THEMIS: variants seen among roughly 807,000 people sequenced by gnomAD.
The protein encoded by THEMIS is thymocyte selection associated.
A neutral mutation model predicts 52.6 loss-of-function variants in THEMIS; 37 were observed. The observed-to-expected ratio is 0.70, with a 90% CI of 0.54 to 0.93. THEMIS has a LOEUF of 0.93. Ranked by LOEUF, THEMIS falls within the 40% of genes least tolerant of loss-of-function variation. THEMIS has a pLI of 0.00. For synonymous variants in THEMIS, 292 were observed against 272.7 expected, an observed-to-expected ratio of 1.07 and a Z score of -0.70; for missense variants, 808 against 763.1, an observed-to-expected ratio of 1.06 and a Z score of -0.69.
intron 1 of THEMIS, among the ~76,000 whole-genome samples, chr6:127,865,928 A>G (rs764192448): frequency 2.0e-5 from 3 of 152,072 alleles, no homozygotes; most frequent in Non-Finnish European, 2.9e-5. Context: ...AAGTGAAAAA[A>G]TTGTATCAGT....
chr6:127,701,829 G>A, the THEMIS span, among the ~76,000 whole-genome samples: 3 of 151,996 alleles, frequency 2.0e-5, no homozygotes, highest in African/African-American at 4.8e-5. Flanking sequence ...TTATCCTTTC[G>A]AATATCCTCT....
intron 4 of THEMIS, among the ~76,000 whole-genome samples, chr6:127,791,592 T>A (rs1388843380): frequency 1.3e-5 from 2 of 152,156 alleles, no homozygotes; most frequent in African/African-American, 4.8e-5. Context: ...GGCCTGAAGA[T>A]GGGGCTTTAC....
At chr6:127,750,126 A>G (rs1775586199) in intron 4 of THEMIS, among the ~76,000 whole-genome samples, 1 of 150,918 alleles carries the variant, frequency 6.6e-6, no homozygotes, top group South Asian at 2.1e-4. Context: ...GCAGGTCTCA[A>G]TCAACTAACT....
At position 127,837,911 on chromosome 6, in the gene THEMIS, A is replaced by G. The variant is rs191409643; in HGVS notation, c.251-7977T>C. On this transcript the variant is annotated intron_variant, in intron 2 of 5. Transcript: ENST00000368248. The stretch of plus-strand genomic sequence containing the variant: ...ATAGATGAATAATATGTTGTAAGGA[A>G]TGTATCATGATTTACCCGATTCCTC... Among the ~76,000 whole-genome samples the G allele has an allele frequency of 2.6e-5, 4 of 152,216 alleles. No homozygotes were observed. In the East Asian group the frequency reaches 7.7e-4, roughly 29 times the overall value.
In THEMIS at chr6:127,907,337, A is replaced by ATTTTTTTTTTTTTTTTTTTTTTTTTT. The variant is rs58472332; in HGVS notation, c.-149-6282_-149-6257dup. On this transcript the variant is annotated intron_variant, in intron 1 of 6. Coordinates refer to the THEMIS transcript ENST00000368250. The stretch of plus-strand genomic sequence containing the variant: ...AATACCATTAGGGCATTAGGCTCGG[A>ATTTTTTTTTTTTTTTTTTTTTTTTTT]TTTTTTTTTTTTTTTTTTTTTTTTT... 5.5e-4 allele frequency among the ~76,000 whole-genome samples: 27 copies of ATTTTTTTTTTTTTTTTTTTTTTTTTT among 49,458 alleles called. 8 individuals are homozygous for ATTTTTTTTTTTTTTTTTTTTTTTTTT. The highest frequency in any genetic ancestry group is 8.6e-4 in the Non-Finnish European group (23 of 26,670). The allele number at this position is 49,458 out of a possible 152,430, so 32.4% of individuals were successfully genotyped here.
At chr6:127,828,730 G>A (rs966315443) in intron 3 of THEMIS, among the ~76,000 whole-genome samples, 8 of 152,148 alleles carry the variant, frequency 5.3e-5, no homozygotes, top group East Asian at 1.9e-4. Context: ...GACGTGGGCC[G>A]ATCACGAGGT....
At chr6:127,718,996 C>T (rs1022212726) in intron 5 of THEMIS, among the ~76,000 whole-genome samples, 2 of 151,666 alleles carry the variant, frequency 1.3e-5, no homozygotes, top group Non-Finnish European at 1.5e-5. Flanking sequence ...AGGAGCAAAC[C>T]GTATGCTTAA....
intron 2 of THEMIS, among the ~76,000 whole-genome samples, chr6:127,846,728 A>T (rs1483657075): frequency 2.0e-5 from 3 of 151,912 alleles, no homozygotes; most frequent in East Asian, 3.9e-4. Flanking sequence ...AATTACAACC[A>T]ATCCTACTGA....
chr6:127,741,800 A>G (rs1270309435), intron 4 of THEMIS, among the ~76,000 whole-genome samples: 3 of 152,218 alleles, frequency 2.0e-5, no homozygotes, highest in South Asian at 2.1e-4. Context: ...GGCTAGATAT[A>G]AGAGAAGGAA....
rs963895288 is a variant in THEMIS, at chr6:127,752,632, A to G, written c.1759-32809T>C. ...ACTACCAAGACCCAATCATGAAGAA[A>G]ATAGAAAACTTGAGCCAACCAATTA... On this transcript the variant is annotated intron_variant, in intron 4 of 5. Coordinates refer to ENST00000368248, the MANE Select transcript of THEMIS (RefSeq NM_001010923.3). 4.0e-5 allele frequency among the ~76,000 whole-genome samples: 6 copies of G among 151,626 alleles called. No homozygotes were observed. The East Asian group carries it at 1.2e-3, about 29-fold the overall frequency.
At chr6:127,827,566 C>T (rs1040734500) in intron 3 of THEMIS, among the ~76,000 whole-genome samples, 2 of 152,088 alleles carry the variant, frequency 1.3e-5, no homozygotes, top group African/African-American at 4.8e-5. Context: ...TAAGTCCTAC[C>T]TAAACAAATA....
rs73595758 is a variant in THEMIS, at chr6:127,865,860, G to T, written c.92-10672C>A. On this transcript the variant is annotated intron_variant, in intron 1 of 5. Transcript: ENST00000368248. Reference sequence around the variant, plus strand: ...CACCTCAATGATTCCCTCACTTAATGAGTTAAAAATCATTTGCACATTCAT... The same window carrying T: ...CACCTCAATGATTCCCTCACTTAATTAGTTAAAAATCATTTGCACATTCAT... Among the ~76,000 whole-genome samples, 311 of 152,120 alleles carry T rather than the reference G, an allele frequency of 2.0e-3. 2 individuals are homozygous for T. The highest frequency in any genetic ancestry group is 7.1e-3 in the African/African-American group (293 of 41,530).
intron 4 of THEMIS, among the ~76,000 whole-genome samples, chr6:127,732,365 G>A (rs1446971396): frequency 6.6e-6 from 1 of 152,006 alleles, no homozygotes; most frequent in Non-Finnish European, 1.5e-5. Context: ...TTTAAAAATG[G>A]TTCTCTTTTG....
intron 1 of THEMIS, among the ~76,000 whole-genome samples, chr6:127,911,774 G>A (rs2114532362): frequency 6.6e-6 from 1 of 151,546 alleles, no homozygotes; most frequent in East Asian, 1.9e-4. Flanking sequence ...TTACCGTGGA[G>A]GCAGAAGCCT....
At chr6:127,726,381 T>G (rs928781900) in intron 4 of THEMIS, among the ~76,000 whole-genome samples, 1 of 152,128 alleles carries the variant, frequency 6.6e-6, no homozygotes, top group Non-Finnish European at 1.5e-5. Flanking sequence ...TGGCTGGGAC[T>G]AGACCCAAGA....
Position 127,791,666 on chromosome 6 carries a change from A to T in THEMIS, c.1758+21217T>A, listed in dbSNP as rs112684398. 2.5e-4 allele frequency among the ~76,000 whole-genome samples: 38 copies of T among 152,158 alleles called. 1 individual carries two copies. Among genetic ancestry groups the T allele is most frequent in the African/African-American group, 8.7e-4 (36 of 41,528 alleles). ...TCCTACCACCATTAACCTGCTCTCC[A>T]TGGTGCCTATGGTGCCCTGGCTCTT... On this transcript the variant is annotated intron_variant, in intron 4 of 5. Transcript: ENST00000368248.
At chr6:127,745,848 A>G (rs1775370925) in intron 4 of THEMIS, among the ~76,000 whole-genome samples, 1 of 151,856 alleles carries the variant, frequency 6.6e-6, no homozygotes, top group Admixed American at 6.6e-5. Context: ...CTTGGTTTCT[A>G]TTAAGGTGAG....
chr6:127,896,362 A>G (rs535652042), intron 1 of THEMIS, among the ~76,000 whole-genome samples: 55 of 151,710 alleles, frequency 3.6e-4, no homozygotes, highest in African/African-American at 1.2e-3. Context: ...AGTACAACAA[A>G]GAGAAAATGA....
chr6:127,853,252 A>G (rs1340835086), intron 2 of THEMIS, among the ~76,000 whole-genome samples: 1 of 151,668 alleles, frequency 6.6e-6, no homozygotes, highest in East Asian at 1.9e-4. Context: ...GAAAAACTAT[A>G]GTGATTTAAA....
Sources: allele counts gnomAD v4.1 joint callset (sites outside exome capture counted in the v4.1 genomes callset), GRCh38; gene constraint gnomAD v4.1.1; transcripts MANE v1.5; gene names NCBI Gene and HGNC (gene_info 2026-07-23, HGNC 2026-07-21).